Variants in DIP2C observed in about 807,000 individuals in gnomAD.
The protein encoded by DIP2C is DIP2 acetate--CoA ligase C (putative).
A neutral mutation model predicts 192.4 loss-of-function variants in DIP2C; 33 were observed. That is an observed-to-expected ratio of 0.17 (90% confidence interval 0.13 to 0.23). The LOEUF (loss-of-function observed/expected upper bound fraction) is 0.23, where lower values mean the gene tolerates loss of function less well. Among genes scored for constraint, DIP2C ranks in the 10% least tolerant of loss-of-function variants. DIP2C has a pLI of 1.00. For synonymous variants in DIP2C, 979 were observed against 864.1 expected (o/e 1.13, Z -2.33); for missense variants, 1,537 against 2,110.1 (o/e 0.73, Z 5.32).
At position 343,919 on chromosome 10, in the gene DIP2C, G is replaced by C. The variant is rs182611299; in HGVS notation, c.3453+890C>G. On this transcript the variant is annotated intron_variant, in intron 28 of 36. Coordinates refer to ENST00000280886, the MANE Select transcript of DIP2C (RefSeq NM_014974.3). ...GTGGGAATTCACAGACGAGGGCATG[G>C]ACAACCGTGTATGGGGTGTAAGAGA... Among the ~76,000 whole-genome samples the C allele has an allele frequency of 5.3e-5, 8 of 152,330 alleles. 1 individual carries two copies. Among genetic ancestry groups the C allele is most frequent in the African/African-American group, 1.9e-4 (8 of 41,572 alleles).
intron 29 of DIP2C, among the ~76,000 whole-genome samples, chr10:334,318 A>AAAAG (rs1554821647): frequency 1.3e-5 from 2 of 151,258 alleles, no homozygotes; most frequent in African/African-American, 2.4e-5. Context: ...AAAAAAAAAA[A>AAAAG]AAAAAAAGAA....
chr10:332,081 C>G (rs1957533083), intron 29 of DIP2C, among the ~76,000 whole-genome samples: 1 of 151,980 alleles, frequency 6.6e-6, no homozygotes, highest in Non-Finnish European at 1.5e-5. Flanking sequence ...ATGACTGGGA[C>G]TAGAGACTAG....
chr10:538,982 G>C (rs181280998), intron 1 of DIP2C, among the ~76,000 whole-genome samples: 1 of 148,618 alleles, frequency 6.7e-6, no homozygotes, highest in Non-Finnish European at 1.5e-5. Context: ...TGAATCTGCT[G>C]TATGACCTCA....
At chr10:614,484 G>A (rs1421562091) in intron 1 of DIP2C, among the ~76,000 whole-genome samples, 1 of 152,124 alleles carries the variant, frequency 6.6e-6, no homozygotes, top group Non-Finnish European at 1.5e-5. Flanking sequence ...GCTGCAGCCA[G>A]AGGCCTAAGG....
In DIP2C at chr10:505,499, A is replaced by C. The variant is rs78122593; in HGVS notation, c.86-18969T>G. Among the ~76,000 whole-genome samples the C allele has an allele frequency of 5.9e-5, 9 of 152,234 alleles. No homozygotes were observed. The East Asian group carries it at 7.7e-4, about 13-fold the overall frequency. ...CCAGCTGTACTTCCTGGCAATAAACAACCTGCCCAGCTGTGATTCCTGTGT... is the reference window on the plus strand; with the variant it reads ...CCAGCTGTACTTCCTGGCAATAAACCACCTGCCCAGCTGTGATTCCTGTGT... On this transcript the variant is annotated intron_variant, in intron 1 of 36. Coordinates refer to ENST00000280886, the MANE Select transcript of DIP2C (RefSeq NM_014974.3).
intron 19 of DIP2C, 138 bp from the exon 20 acceptor site, chr10:364,720 TCA>T: frequency 3.2e-6 from 3 of 933,468 alleles, no homozygotes; most frequent in Non-Finnish European, 3.2e-6. Context: ...AGGGCCGAGG[TCA>T]CAGTGACCGC....
Position 364,426 on chromosome 10 carries a change from T to G in DIP2C, c.2425A>C (p.Ile809Leu), listed in dbSNP as rs1346604460. 9 of 1,613,974 alleles carry G rather than the reference T, an allele frequency of 5.6e-6. No individual in the cohort carries two copies. Among genetic ancestry groups the G allele is most frequent in the Middle Eastern group, 1.6e-4 (1 of 6,084 alleles). ...TCTACGGCCAGCGCAGTGGCCACGA[T>G]GTCGTCGGCGTTGTGCCTGCGCCCG... The part of the protein sequence containing the change: ...VSGRRHNADD[I>L]VATALAVEPM... The change falls in exon 20 of 37, where the codon ATC becomes CTC. Residue 809 changes from isoleucine to leucine, a missense_variant. Transcript: ENST00000280886.
chr10:469,427 C>CCA (rs1970462197), intron 3 of DIP2C, among the ~76,000 whole-genome samples: 1 of 151,940 alleles, frequency 6.6e-6, no homozygotes. Flanking sequence ...AGAGATTCTC[C>CCA]CACCTCAGCC....
chr10:503,966 T>G (rs984655579), intron 1 of DIP2C, among the ~76,000 whole-genome samples: 3 of 152,202 alleles, frequency 2.0e-5, no homozygotes, highest in African/African-American at 7.2e-5. Flanking sequence ...TACTCAGAAA[T>G]TAAATTCCAG....
At chr10:648,357 A>C (rs1855609643) in intron 1 of DIP2C, among the ~76,000 whole-genome samples, 1 of 152,048 alleles carries the variant, frequency 6.6e-6, no homozygotes, top group Non-Finnish European at 1.5e-5. Context: ...GAGAGAACAG[A>C]GCAAAACTGA....
chr10:564,979 C>A (rs1849386443), intron 1 of DIP2C, among the ~76,000 whole-genome samples: 1 of 152,206 alleles, frequency 6.6e-6, no homozygotes, highest in Admixed American at 6.5e-5. Flanking sequence ...TTAACATCTA[C>A]TGGAAACCTG....
chr10:471,506 A>C (rs1402208467), intron 3 of DIP2C, among the ~76,000 whole-genome samples: 1 of 152,138 alleles, frequency 6.6e-6, no homozygotes, highest in Non-Finnish European at 1.5e-5. Flanking sequence ...AGAAGACAAC[A>C]GTCACGACTT....
intron 2 of DIP2C, among the ~76,000 whole-genome samples, chr10:482,342 C>T (rs555835636): frequency 6.6e-6 from 1 of 152,166 alleles, no homozygotes; most frequent in African/African-American, 2.4e-5. Context: ...TTAACTCACA[C>T]TGACCATGGG....
At position 280,136 on chromosome 10, in the gene DIP2C, T is replaced by TAG. The variant is rs1334795626; in HGVS notation, c.4418+1062_4418+1063dup. Among the ~76,000 whole-genome samples the TAG allele has an allele frequency of 2.0e-5, 3 of 152,294 alleles. No individual in the cohort carries two copies. The East Asian group carries it at 5.8e-4, about 29-fold the overall frequency. ...CTGAGGACTTTTGAGAGTAGGGGCT[T>TAG]AGCCAACTTGAGCCACACGAACACG... On this transcript the variant is annotated intron_variant, in intron 36 of 36. Transcript: ENST00000280886.
chr10:568,133 C>A (rs1001238958), intron 1 of DIP2C, among the ~76,000 whole-genome samples: 1 of 152,194 alleles, frequency 6.6e-6, no homozygotes, highest in South Asian at 2.1e-4. Flanking sequence ...TTGGCACAAG[C>A]ACAGCAGAAA....
At chr10:395,662 AG>A (rs34907340) in intron 10 of DIP2C, among the ~76,000 whole-genome samples, 22,447 of 152,188 alleles carry the variant, frequency 0.15, 1,809 homozygotes, top group South Asian at 0.2. Flanking sequence ...AAGTCACCTC[AG>A]GGTTATATTG....
At chr10:553,684 A>G (rs1027135761) in intron 1 of DIP2C, among the ~76,000 whole-genome samples, 35 of 152,252 alleles carry the variant, frequency 2.3e-4, no homozygotes, top group African/African-American at 8.0e-4. Flanking sequence ...TGTAACTTTA[A>G]GAGTGGCGAA....
chr10:432,450 G>A lies in DIP2C; in HGVS notation c.394+8421C>T, dbSNP rs112340424. Among the ~76,000 whole-genome samples the A allele has an allele frequency of 1.5e-3, 224 of 152,174 alleles. 3 individuals carry two copies. The South Asian group carries it at 0.025, about 17-fold the overall frequency. On this transcript the variant is annotated intron_variant, in intron 4 of 36. Coordinates refer to ENST00000280886, the MANE Select transcript of DIP2C (RefSeq NM_014974.3). ...AAAGAAATTGGTCCATTTCATCCAC[G>A]TTATCAAATTTGTGGCCATAGAGTT... is the stretch of plus-strand genomic sequence containing the variant.
chr10:471,496 A>C (rs1291326688), intron 3 of DIP2C, among the ~76,000 whole-genome samples: 1 of 152,138 alleles, frequency 6.6e-6, no homozygotes, highest in Non-Finnish European at 1.5e-5. Context: ...CTTCTGACAC[A>C]GAAGACAACA....
Sources: gnomAD v4.1 joint callset for allele counts (sites outside exome capture counted in the v4.1 genomes callset) on GRCh38, gnomAD v4.1.1 for gene constraint, MANE v1.5 for transcripts, NCBI Gene and HGNC (gene_info 2026-07-23, HGNC 2026-07-21) for gene names.